Variants in PCDH15 observed in about 807,000 individuals in gnomAD.
PCDH15 encodes the protein protocadherin-15.
PCDH15 carries 129 observed loss-of-function variants against 178.5 expected under a neutral mutation model. The ratio of observed to expected loss-of-function variants is 0.72; its 90% CI spans 0.63 to 0.84. The LOEUF is 0.84. PCDH15 is among the 40% of genes least tolerant of loss of function. The probability of loss-of-function intolerance (pLI) is 0.00; values close to 1 mark genes in which losing one functional copy is unlikely to be tolerated. For missense variants in PCDH15, 2,230 were observed against 2,099.9 expected (o/e 1.06, Z -1.21); for synonymous variants, 800 against 732.0 (o/e 1.09, Z -1.50).
chr10:55,279,901 C>G (rs1842684019), intron 1 of PCDH15, among the ~76,000 whole-genome samples: 1 of 152,126 alleles, frequency 6.6e-6, no homozygotes, highest in African/African-American at 2.4e-5. Context: ...TATTAACTTA[C>G]AGTTTAGTTG....
intron 15 of PCDH15, among the ~76,000 whole-genome samples, chr10:54,132,023 T>G (rs764283142): frequency 1.5e-4 from 23 of 152,120 alleles, no homozygotes; most frequent in Non-Finnish European, 2.5e-4. Flanking sequence ...CATGTTAAAA[T>G]CTCCCCTAGG....
chr10:54,524,680 G>A (rs768118477), intron 3 of PCDH15, among the ~76,000 whole-genome samples: 3 of 152,172 alleles, frequency 2.0e-5, no homozygotes, highest in Non-Finnish European at 2.9e-5. Context: ...TAGATAATGT[G>A]ATCTGTTTCT....
intron 21 of PCDH15, among the ~76,000 whole-genome samples, chr10:53,992,130 A>C (rs1186141132): frequency 6.6e-6 from 1 of 152,134 alleles, no homozygotes; most frequent in East Asian, 1.9e-4. Flanking sequence ...AGGAATGAGC[A>C]ACTCTGGACG....
intron 2 of PCDH15, among the ~76,000 whole-genome samples, chr10:55,071,193 A>C (rs1447410483): frequency 6.6e-6 from 1 of 152,182 alleles, no homozygotes; most frequent in African/African-American, 2.4e-5. Flanking sequence ...GAATCAACTA[A>C]TGAGCAAAAT....
intron 1 of PCDH15, among the ~76,000 whole-genome samples, chr10:54,760,682 A>C (rs55646604): frequency 0.21 from 32,241 of 152,100 alleles, 3,939 homozygotes; most frequent in East Asian, 0.48. Context: ...GACTGTGAAC[A>C]TCACAAACAA....
chr10:54,296,323 CAG>C (rs1234055217), intron 8 of PCDH15, among the ~76,000 whole-genome samples: 2 of 152,006 alleles, frequency 1.3e-5, no homozygotes, highest in East Asian at 3.9e-4. Flanking sequence ...CGAGGGTAGA[CAG>C]AGTGGAAAGC....
intron 1 of PCDH15, among the ~76,000 whole-genome samples, chr10:54,759,870 T>G (rs1380258530): frequency 6.6e-6 from 1 of 152,206 alleles, no homozygotes; most frequent in Admixed American, 6.5e-5. Flanking sequence ...CCCAGAATGA[T>G]TCTTTCACTA....
At chr10:55,584,886 T>G (rs1842694940) in intron 2 of PCDH15, among the ~76,000 whole-genome samples, 1 of 151,448 alleles carries the variant, frequency 6.6e-6, no homozygotes, top group Non-Finnish European at 1.5e-5. Flanking sequence ...TATATGTAGA[T>G]GAATAAATCA....
At chr10:54,801,235 A>G (rs1385142243), upstream of PCDH15, 1 of 152,204 alleles carries the variant, frequency 6.6e-6, no homozygotes, top group Non-Finnish European at 1.5e-5. Flanking sequence ...AACTAACACT[A>G]AGCTGCTAGC....
chr10:54,174,877 G>A (rs959902121), intron 13 of PCDH15, among the ~76,000 whole-genome samples: 4 of 151,726 alleles, frequency 2.6e-5, no homozygotes, highest in Admixed American at 1.3e-4. Flanking sequence ...TGCTGATAGT[G>A]TAATCAAACT....
chr10:54,646,848 T>C lies in PCDH15; in HGVS notation c.91+17324A>G, dbSNP rs550378895. ...CAAAGCAAAAACAAAAGACAAGTGTTGGCAAGGATGTGGAGAAACTGGAAC... is the reference window on the plus strand; with the variant it reads ...CAAAGCAAAAACAAAAGACAAGTGTCGGCAAGGATGTGGAGAAACTGGAAC... On this transcript the variant is annotated intron_variant, in intron 2 of 37. Coordinates refer to ENST00000644397, the MANE Select transcript of PCDH15 (RefSeq NM_001384140.1). Among the ~76,000 whole-genome samples the C allele has an allele frequency of 1.5e-4, 23 of 152,192 alleles. No homozygotes were observed. The East Asian group carries it at 4.4e-3, about 29-fold the overall frequency.
intron 28 of PCDH15, among the ~76,000 whole-genome samples, chr10:53,854,200 T>C (rs2078578595): frequency 6.6e-6 from 1 of 151,988 alleles, no homozygotes. Flanking sequence ...TATGATGTAT[T>C]TAAAGTAGTA....
At chr10:53,930,501 T>C (rs2084964628) in intron 25 of PCDH15, among the ~76,000 whole-genome samples, 2 of 147,668 alleles carry the variant, frequency 1.4e-5, no homozygotes, top group South Asian at 4.3e-4. Flanking sequence ...TAGCAACGCA[T>C]TCACATTTGT....
intron 23 of PCDH15, among the ~76,000 whole-genome samples, chr10:53,951,640 T>G (rs1376160123): frequency 6.6e-6 from 1 of 152,222 alleles, no homozygotes; most frequent in Admixed American, 6.5e-5. Flanking sequence ...TACAAACGTT[T>G]GTTTACAGTT....
intron 2 of PCDH15, among the ~76,000 whole-genome samples, chr10:54,536,587 A>G (rs1015933471): frequency 1.3e-5 from 2 of 152,170 alleles, no homozygotes; most frequent in Non-Finnish European, 2.9e-5. Context: ...GATTGATTCC[A>G]TCATCAGGTA....
At chr10:54,959,692 C>G (rs1379342011) in intron 2 of PCDH15, among the ~76,000 whole-genome samples, 1 of 152,032 alleles carries the variant, frequency 6.6e-6, no homozygotes, top group Non-Finnish European at 1.5e-5. Context: ...CTAACCTAGC[C>G]TTTATGTCTA....
At chr10:54,797,157 A>G (rs1952117082) in intron 1 of PCDH15, among the ~76,000 whole-genome samples, 1 of 152,066 alleles carries the variant, frequency 6.6e-6, no homozygotes, top group Non-Finnish European at 1.5e-5. Context: ...ATGACTTTTC[A>G]AAGTAATAGG....
intron 3 of PCDH15, among the ~76,000 whole-genome samples, chr10:54,859,750 C>G (rs1953807760): frequency 6.6e-6 from 1 of 151,286 alleles, no homozygotes; most frequent in Non-Finnish European, 1.5e-5. Context: ...TTCACATAAT[C>G]AATAAATTTG....
chr10:54,977,408 A>G (rs1175304971), intron 2 of PCDH15, among the ~76,000 whole-genome samples: 1 of 152,132 alleles, frequency 6.6e-6, no homozygotes, highest in Non-Finnish European at 1.5e-5. Flanking sequence ...TGCTGATTAT[A>G]CTGTAATTAT....
Sources: gnomAD v4.1 joint callset for allele counts (sites outside exome capture counted in the v4.1 genomes callset) on GRCh38, gnomAD v4.1.1 for gene constraint, MANE v1.5 for transcripts, NCBI Gene and HGNC (gene_info 2026-07-23, HGNC 2026-07-21) for gene names.